Variants in COL24A1 observed in about 807,000 individuals in gnomAD.
COL24A1 encodes the protein collagen type XXIV alpha 1 chain.
In COL24A1, 224 loss-of-function variants were observed where a neutral mutation model predicts 253.9. The observed-to-expected ratio is 0.88, with a 90% CI of 0.79 to 0.99. The LOEUF is 0.99. Among genes scored for constraint, COL24A1 ranks in the 50% least tolerant of loss-of-function variants. COL24A1 has a pLI of 0.00. For missense variants in COL24A1, 2,131 were observed against 2,068.5 expected (o/e 1.03, Z -0.59); for synonymous variants, 685 against 673.7 (o/e 1.02, Z -0.26).
At chr1:85,860,194 T>A (rs542860861) in intron 37 of COL24A1, among the ~76,000 whole-genome samples, 2 of 152,232 alleles carry the variant, frequency 1.3e-5, no homozygotes, top group Admixed American at 6.5e-5. Flanking sequence ...TATATACTCA[T>A]ACATGATATC....
intron 45 of COL24A1, among the ~76,000 whole-genome samples, chr1:85,822,921 C>T (rs1673810545): frequency 6.6e-6 from 1 of 152,124 alleles, no homozygotes; most frequent in Admixed American, 6.6e-5. Context: ...CTTGTTAGGT[C>T]AGTTTAACCA....
At chr1:86,055,277 T>C (rs1390765425) in intron 10 of COL24A1, among the ~76,000 whole-genome samples, 4 of 152,192 alleles carry the variant, frequency 2.6e-5, no homozygotes, top group African/African-American at 9.6e-5. Context: ...GCTGCACATA[T>C]ACCCCTAAAT....
At chr1:85,744,556 G>GC in intron 57 of COL24A1, 110 bp downstream of exon 57, 1 of 810,218 alleles carries the variant, frequency 1.2e-6, no homozygotes, top group East Asian at 2.8e-5. Context: ...GCTTCTGCCA[G>GC]GGTTTTATCA....
intron 24 of COL24A1, among the ~76,000 whole-genome samples, chr1:85,944,172 T>C (rs936082041): frequency 1.9e-4 from 29 of 152,366 alleles, no homozygotes; most frequent in African/African-American, 6.7e-4. Flanking sequence ...AAAAGACTTA[T>C]GTTCTCTATT....
In COL24A1 at chr1:85,839,105, A is replaced by G. The variant is rs1327184527; in HGVS notation, c.3628-467T>C. 1.3e-5 allele frequency among the ~76,000 whole-genome samples: 2 copies of G among 152,002 alleles called. 1 individual carries two copies. The highest frequency in any genetic ancestry group is 4.8e-5 in the African/African-American group (2 of 41,360). On this transcript the variant is annotated intron_variant, in intron 42 of 59. Transcript: ENST00000370571. The stretch of plus-strand genomic sequence containing the variant: ...GTCCCAGCTACTTGGGAGCTGAAGC[A>G]GGGGGAACACTTGAGCCCAGGAGGT...
intron 24 of COL24A1, among the ~76,000 whole-genome samples, chr1:85,948,654 C>G (rs1689586085): frequency 6.6e-6 from 1 of 150,642 alleles, no homozygotes; most frequent in Non-Finnish European, 1.5e-5. Context: ...TATACCAACA[C>G]AACTTAGCAA....
intron 55 of COL24A1, among the ~76,000 whole-genome samples, chr1:85,747,571 C>A (rs1475427951): frequency 6.6e-6 from 1 of 151,990 alleles, no homozygotes; most frequent in African/African-American, 2.4e-5. Flanking sequence ...TGAGAAGGGT[C>A]ACCCAGTTTT....
At chr1:85,817,710 C>T (rs753743575) in intron 46 of COL24A1, among the ~76,000 whole-genome samples, 8 of 152,024 alleles carry the variant, frequency 5.3e-5, no homozygotes, top group Non-Finnish European at 1.2e-4. Context: ...ATATCTCTGG[C>T]CTTTGTCACC....
chr1:85,951,101 T>C (rs1416935794), intron 24 of COL24A1, among the ~76,000 whole-genome samples: 1 of 152,230 alleles, frequency 6.6e-6, no homozygotes, highest in East Asian at 1.9e-4. Flanking sequence ...TAATGTCCTC[T>C]GAATATACAG....
rs1263279227 is a variant in COL24A1, at chr1:86,003,699, A to G, written c.2310+13452T>C. ...CCAGCTCATCATCTTTTGTGTGGCA[A>G]GAGAAGTGACCTGAAGTGAGGATAT... On this transcript the variant is annotated intron_variant, in intron 19 of 59. Coordinates refer to ENST00000370571, the MANE Select transcript of COL24A1 (RefSeq NM_152890.7). 4.6e-5 allele frequency among the ~76,000 whole-genome samples: 7 copies of G among 152,268 alleles called. No individual in the cohort carries two copies. The South Asian group carries it at 1.5e-3, about 32-fold the overall frequency.
chr1:86,119,521 G>A (rs968636798), intron 3 of COL24A1, among the ~76,000 whole-genome samples: 3 of 152,050 alleles, frequency 2.0e-5, no homozygotes, highest in African/African-American at 7.2e-5. Context: ...AAGACAAGAA[G>A]AGCACAAATC....
At chr1:85,981,798 A>G (rs1693278048) in intron 20 of COL24A1, among the ~76,000 whole-genome samples, 1 of 152,194 alleles carries the variant, frequency 6.6e-6, no homozygotes, top group African/African-American at 2.4e-5. Flanking sequence ...ATAACTCAAT[A>G]GCAAACACCA....
At chr1:85,811,802 G>A (rs942745143) in intron 47 of COL24A1, among the ~76,000 whole-genome samples, 1 of 152,166 alleles carries the variant, frequency 6.6e-6, no homozygotes, top group South Asian at 2.1e-4. Context: ...TGCCAGTTTT[G>A]AGTGGACCCT....
intron 23 of COL24A1, among the ~76,000 whole-genome samples, chr1:85,962,633 G>A (rs897184915): frequency 1.1e-4 from 16 of 152,076 alleles, no homozygotes; most frequent in African/African-American, 3.1e-4. Flanking sequence ...ATGAGAAAGC[G>A]TCATTTTTAG....
chr1:86,131,240 G>T (rs1649125693), intron 2 of COL24A1, among the ~76,000 whole-genome samples: 2 of 151,942 alleles, frequency 1.3e-5, no homozygotes, highest in African/African-American at 4.8e-5. Context: ...GACCATTCTT[G>T]ATAAATGTTT....
intron 58 of COL24A1, among the ~76,000 whole-genome samples, chr1:85,735,949 G>T (rs1664003541): frequency 6.6e-6 from 1 of 152,052 alleles, no homozygotes; most frequent in Admixed American, 6.5e-5. Flanking sequence ...AAAGGCAAAA[G>T]AAGGGCATAC....
At chr1:86,070,214 A>C (rs1701780428) in intron 7 of COL24A1, among the ~76,000 whole-genome samples, 1 of 152,254 alleles carries the variant, frequency 6.6e-6, no homozygotes, top group Non-Finnish European at 1.5e-5. Context: ...GTCCTTTAAA[A>C]GCAGAATTGA....
intron 53 of COL24A1, among the ~76,000 whole-genome samples, chr1:85,764,227 TC>T (rs1667127298): frequency 6.6e-6 from 1 of 152,004 alleles, no homozygotes. Flanking sequence ...CTCATTCTTT[TC>T]CCCCAATTGT....
intron 20 of COL24A1, among the ~76,000 whole-genome samples, chr1:85,983,600 T>C (rs1171955811): frequency 6.6e-6 from 1 of 151,948 alleles, no homozygotes; most frequent in African/African-American, 2.4e-5. Context: ...CCACATTGTA[T>C]AGCCTCAACA....
Sources: allele counts gnomAD v4.1 joint callset (sites outside exome capture counted in the v4.1 genomes callset), GRCh38; gene constraint gnomAD v4.1.1; transcripts MANE v1.5; gene names NCBI Gene and HGNC (gene_info 2026-07-23, HGNC 2026-07-21).